The following RAB3IL1 variants were observed in gnomAD, a reference collection of about 807,000 sequenced individuals.
The protein encoded by RAB3IL1 is guanine nucleotide exchange factor for Rab-3A.
A neutral mutation model predicts 49.2 loss-of-function variants in RAB3IL1; 37 were observed. The observed-to-expected ratio is 0.75, with a 90% CI of 0.58 to 0.99. The LOEUF is 0.99. RAB3IL1 is among the 50% of genes least tolerant of loss of function. The pLI, the probability that RAB3IL1 is intolerant of heterozygous loss-of-function variation, is 0.00. For synonymous variants in RAB3IL1, 193 were observed against 213.9 expected (o/e 0.90, Z 0.85); for missense variants, 484 against 513.0 (o/e 0.94, Z 0.55).
Position 61,907,945 on chromosome 11 carries a change from G to A in RAB3IL1, c.264+109C>T, listed in dbSNP as rs1381315028. ...TGGCCAGCAGCTGGCCTCGGTGAGG[G>A]CACATCCCTCTCCCTTGGGCACATC... is the stretch of plus-strand genomic sequence containing the variant. On this transcript the variant is annotated intron_variant, in intron 2 of 9. Coordinates refer to ENST00000394836, the MANE Select transcript of RAB3IL1 (RefSeq NM_013401.4). 13 of 1,471,900 alleles carry A rather than the reference G, an allele frequency of 8.8e-6. No individual in the cohort carries two copies. In the Admixed American group the frequency reaches 1.1e-4, roughly 12 times the overall value. The allele number at this position is 1,471,900 out of a possible 1,614,324, so 91.2% of individuals were successfully genotyped here.
chr11:61,923,469 GCAGA>G, upstream of RAB3IL1, among the ~76,000 whole-genome samples: 1 of 152,332 alleles, frequency 6.6e-6, no homozygotes, highest in South Asian at 2.1e-4. Context: ...TGCCTGTGGT[GCAGA>G]CACCTCCCAG....
At chr11:61,946,140 G>T in the RAB3IL1 span, among the ~76,000 whole-genome samples, 2 of 152,056 alleles carry the variant, frequency 1.3e-5, no homozygotes, top group Non-Finnish European at 2.9e-5. Flanking sequence ...TTCTTTCTTG[G>T]CCTCTGCCCT....
intron 1 of RAB3IL1, among the ~76,000 whole-genome samples, chr11:61,916,845 G>A (rs951073968): frequency 1.3e-5 from 2 of 152,102 alleles, no homozygotes; most frequent in South Asian, 2.1e-4. Flanking sequence ...GCCGGGGCGG[G>A]GGGGGTTCCC....
At chr11:61,911,628 G>A (rs1001944027) in intron 1 of RAB3IL1, among the ~76,000 whole-genome samples, 3 of 152,172 alleles carry the variant, frequency 2.0e-5, no homozygotes, top group African/African-American at 7.2e-5. Flanking sequence ...ACCGCTCTCT[G>A]TACAAACCTC....
the RAB3IL1 span, among the ~76,000 whole-genome samples, chr11:61,927,820 C>T: frequency 6.6e-6 from 1 of 152,128 alleles, no homozygotes; most frequent in African/African-American, 2.4e-5. Flanking sequence ...TCCCCTTCAC[C>T]TTCAGCCATG....
upstream of RAB3IL1, chr11:61,919,993 G>A (rs1451855622): frequency 8.3e-7 from 1 of 1,201,476 alleles, no homozygotes; most frequent in Non-Finnish European, 1.0e-6. Context: ...CTGCCCTGAA[G>A]CTTGCCAAGA....
the RAB3IL1 span, among the ~76,000 whole-genome samples, chr11:61,928,081 G>C: frequency 6.6e-6 from 1 of 151,834 alleles, no homozygotes; most frequent in South Asian, 2.1e-4. Context: ...GGCTACTATG[G>C]ATAAGTGTGG....
At chr11:61,901,859 T>C (rs1031581586) in intron 8 of RAB3IL1, among the ~76,000 whole-genome samples, 1 of 152,216 alleles carries the variant, frequency 6.6e-6, no homozygotes, top group African/African-American at 2.4e-5. Flanking sequence ...GAGAATCCAG[T>C]AAGTAAGTAG....
At chr11:61,899,431 C>T (rs780121810) in intron 8 of RAB3IL1, 51 bp from the exon 9 acceptor site, 1 of 1,561,162 alleles carries the variant, frequency 6.4e-7, no homozygotes, top group Non-Finnish European at 8.7e-7. Context: ...CGCTGGGGGT[C>T]CCCTGACAGG....
At chr11:61,907,799 G>T in intron 2 of RAB3IL1, 139 bp from the exon 3 acceptor site, 1 of 922,422 alleles carries the variant, frequency 1.1e-6, no homozygotes, top group Non-Finnish European at 1.6e-6. Context: ...GTGCCTGACA[G>T]TTTGTGATGC....
At chr11:61,909,260 C>T (rs1939355313) in intron 1 of RAB3IL1, among the ~76,000 whole-genome samples, 1 of 152,050 alleles carries the variant, frequency 6.6e-6, no homozygotes, top group Non-Finnish European at 1.5e-5. Context: ...AGGGAGGCTG[C>T]ACCAGAGGGG....
At chr11:61,925,255 C>G (rs1357386633), upstream of RAB3IL1, among the ~76,000 whole-genome samples, 2 of 152,176 alleles carry the variant, frequency 1.3e-5, no homozygotes, top group Non-Finnish European at 1.5e-5. Flanking sequence ...GTTTTCTTAT[C>G]TCTCCACCAG....
chr11:61,945,306 T>G, the RAB3IL1 span, among the ~76,000 whole-genome samples: 1 of 152,178 alleles, frequency 6.6e-6, no homozygotes, highest in African/African-American at 2.4e-5. Context: ...ACCTGGTAAG[T>G]GGTCAAGATG....
chr11:61,927,091 G>A, the RAB3IL1 span, among the ~76,000 whole-genome samples: 72,189 of 151,922 alleles, frequency 0.48, 18,257 homozygotes, highest in Middle Eastern at 0.6. Context: ...TGATCCACCC[G>A]CCTTGGCCTC....
Position 61,917,421 on chromosome 11 carries a change from A to G in RAB3IL1, c.-54T>C. On this transcript the variant is annotated 5_prime_UTR_variant, in exon 1 of 10. Coordinates refer to ENST00000394836, the MANE Select transcript of RAB3IL1 (RefSeq NM_013401.4). ...GTTCCCAGCGCCGCCGCGTCCTCCC[A>G]GCGCCGCGTCCCCGCCCGCCGCCGA... The G allele has an allele frequency of 8.3e-7, 1 of 1,205,314 alleles. No individual in the cohort carries two copies. The highest frequency in any genetic ancestry group is 1.0e-6 in the Non-Finnish European group (1 of 973,132). 74.7% of individuals were successfully genotyped at this position (1,205,314 alleles called of 1,614,324 possible).
In RAB3IL1 at chr11:61,917,424, G is replaced by C. The variant is rs1172553934; in HGVS notation, c.-57C>G. 15 of 1,202,682 alleles carry C rather than the reference G, an allele frequency of 1.2e-5. No individual in the cohort carries two copies. Among genetic ancestry groups the C allele is most frequent in the Non-Finnish European group, 1.5e-5 (15 of 971,496 alleles). The allele number at this position is 1,202,682 out of a possible 1,614,324, so 74.5% of individuals were successfully genotyped here. A position where few individuals can be genotyped will look rare whatever the true frequency, so the allele number is the denominator to read the frequency against. ...CCCAGCGCCGCCGCGTCCTCCCAGC[G>C]CCGCGTCCCCGCCCGCCGCCGACTC... On this transcript the variant is annotated 5_prime_UTR_variant, in exon 1 of 10. Coordinates refer to ENST00000394836, the MANE Select transcript of RAB3IL1 (RefSeq NM_013401.4).
upstream of RAB3IL1, chr11:61,920,178 CT>C: frequency 7.7e-7 from 1 of 1,295,842 alleles, no homozygotes; most frequent in Non-Finnish European, 9.9e-7. Flanking sequence ...CAGCGTGCTC[CT>C]CAGAAGAGTC....
chr11:61,919,772 G>T (rs1939850288), upstream of RAB3IL1, among the ~76,000 whole-genome samples: 2 of 152,314 alleles, frequency 1.3e-5, no homozygotes, highest in Non-Finnish European at 2.9e-5. Flanking sequence ...CAGACCCTTG[G>T]CTGAAGGCAG....
intron 8 of RAB3IL1, among the ~76,000 whole-genome samples, chr11:61,900,330 G>A (rs1938841298): frequency 1.3e-5 from 2 of 152,244 alleles, no homozygotes; most frequent in Admixed American, 1.3e-4. Context: ...AAGGTAGCCG[G>A]CGGCTGTGCC....
Sources: gnomAD v4.1 joint callset for allele counts (sites outside exome capture counted in the v4.1 genomes callset) on GRCh38, gnomAD v4.1.1 for gene constraint, MANE v1.5 for transcripts, NCBI Gene and HGNC (gene_info 2026-07-23, HGNC 2026-07-21) for gene names.